MTFR1: variants seen among roughly 807,000 people sequenced by gnomAD.
The protein encoded by MTFR1 is mitochondrial fission regulator 1.
In MTFR1, 28 loss-of-function variants were observed where a neutral mutation model predicts 38.8. The observed-to-expected ratio is 0.72, with a 90% CI of 0.53 to 0.99. The LOEUF is 0.99. MTFR1 is among the 50% of genes least tolerant of loss of function. The pLI is 0.00. For missense variants in MTFR1, 358 were observed against 395.5 expected, an observed-to-expected ratio of 0.91 and a Z score of 0.81; for synonymous variants, 145 against 137.0, an observed-to-expected ratio of 1.06 and a Z score of -0.41.
At chr8:65,648,170 C>A (rs1441863011) in intron 1 of MTFR1, among the ~76,000 whole-genome samples, 2 of 152,144 alleles carry the variant, frequency 1.3e-5, no homozygotes, top group African/African-American at 4.8e-5. Flanking sequence ...GCGCCCGCCA[C>A]TAAGCCCGGC....
At chr8:65,724,798 T>A (rs1212418831) in intron 3 of MTFR1, 2 of 1,608,694 alleles carry the variant, frequency 1.2e-6, no homozygotes, top group South Asian at 2.2e-5. Flanking sequence ...AATGTCTGTG[T>A]CTGGTGTCTT....
intron 3 of MTFR1, among the ~76,000 whole-genome samples, chr8:65,726,335 T>G (rs934633236): frequency 1.3e-5 from 2 of 152,104 alleles, no homozygotes; most frequent in African/African-American, 4.8e-5. Flanking sequence ...CATTTATTTT[T>G]TTTTCCTAAA....
chr8:65,724,188 T>G (rs565360429), intron 3 of MTFR1: 1 of 982,620 alleles, frequency 1.0e-6, no homozygotes, highest in South Asian at 1.3e-5. Context: ...ATTGAGTTAT[T>G]TTATTCTTAC....
intron 3 of MTFR1, among the ~76,000 whole-genome samples, chr8:65,751,663 TGTATTTTTA>T (rs796309089): frequency 2.0e-5 from 3 of 152,312 alleles, no homozygotes; most frequent in African/African-American, 7.2e-5. Flanking sequence ...CAGCTAATTT[TGTATTTTTA>T]GTAGAGACGG....
chr8:65,705,387 C>A (rs960197528), intron 5 of MTFR1, among the ~76,000 whole-genome samples: 8 of 152,144 alleles, frequency 5.3e-5, no homozygotes, highest in African/African-American at 1.9e-4. Context: ...CCAACAACAA[C>A]CAGGTCAGGT....
intron 1 of MTFR1, among the ~76,000 whole-genome samples, chr8:65,654,638 C>T (rs865900183): frequency 8.5e-5 from 13 of 152,212 alleles, no homozygotes; most frequent in African/African-American, 2.6e-4. Flanking sequence ...AGTACAGTGG[C>T]GCACTGATAG....
intron 3 of MTFR1, among the ~76,000 whole-genome samples, chr8:65,760,819 G>A (rs1808451359): frequency 6.6e-6 from 1 of 152,140 alleles, no homozygotes; most frequent in Non-Finnish European, 1.5e-5. Flanking sequence ...GTTACACCCA[G>A]GTGTTCTGTC....
chr8:65,726,935 C>G, intron 3 of MTFR1: 6 of 1,607,720 alleles, frequency 3.7e-6, no homozygotes, highest in Non-Finnish European at 5.1e-6. Context: ...CACTGCAGAT[C>G]TCCAGTGGTG....
intron 1 of MTFR1, among the ~76,000 whole-genome samples, chr8:65,664,030 G>A (rs1465663618): frequency 6.6e-6 from 1 of 151,776 alleles, no homozygotes; most frequent in Non-Finnish European, 1.5e-5. Flanking sequence ...TGGCCAGGCT[G>A]GTCTCGAACT....
chr8:65,775,883 C>A (rs1454010228), downstream of MTFR1, among the ~76,000 whole-genome samples: 1 of 152,216 alleles, frequency 6.6e-6, no homozygotes, highest in Non-Finnish European at 1.5e-5. Context: ...CCTGCCTCGG[C>A]TTTCCAAAGT....
chr8:65,649,918 C>T (rs1219812717), intron 1 of MTFR1, among the ~76,000 whole-genome samples: 1 of 151,898 alleles, frequency 6.6e-6, no homozygotes, highest in Non-Finnish European at 1.5e-5. Flanking sequence ...GGCTCACTGC[C>T]ACCTCTGCCT....
chr8:65,685,583 G>A (rs1180228406), intron 3 of MTFR1, among the ~76,000 whole-genome samples: 1 of 152,170 alleles, frequency 6.6e-6, no homozygotes, highest in East Asian at 1.9e-4. Context: ...CACACATGGT[G>A]ATTAAATCTG....
At chr8:65,686,210 A>AGAC (rs1206852714) in intron 3 of MTFR1, among the ~76,000 whole-genome samples, 1 of 152,192 alleles carries the variant, frequency 6.6e-6, no homozygotes, top group African/African-American at 2.4e-5. Flanking sequence ...ATTTTTAGCT[A>AGAC]TAATTTTATA....
chr8:65,688,937 G>A (rs1805187931), intron 3 of MTFR1, among the ~76,000 whole-genome samples: 1 of 151,878 alleles, frequency 6.6e-6, no homozygotes, highest in African/African-American at 2.4e-5. Context: ...TTGAGGTCAG[G>A]AGTTCAAGAC....
chr8:65,741,912 T>C (rs535036099), intron 3 of MTFR1, among the ~76,000 whole-genome samples: 2 of 152,326 alleles, frequency 1.3e-5, no homozygotes, highest in South Asian at 2.1e-4. Context: ...TCAGGCAAAG[T>C]GCAGTGAAGA....
At chr8:65,747,718 A>G (rs762031840) in intron 3 of MTFR1, 1 of 1,611,960 alleles carries the variant, frequency 6.2e-7, no homozygotes, top group Admixed American at 1.7e-5. Context: ...TACCACGAAA[A>G]AAGCGTGAAG....
chr8:65,669,838 G>T (rs1313785696), intron 1 of MTFR1, 35 bp from the exon 2 acceptor site: 3 of 839,872 alleles, frequency 3.6e-6, no homozygotes, highest in African/African-American at 1.8e-5. Flanking sequence ...AAATAATAAT[G>T]ATTTCATTTT....
downstream of MTFR1, among the ~76,000 whole-genome samples, chr8:65,772,352 G>A (rs1809125020): frequency 6.6e-6 from 1 of 152,124 alleles, no homozygotes; most frequent in African/African-American, 2.4e-5. Context: ...TCTATACAAG[G>A]TAGAGGGCAC....
chr8:65,676,159 A>G (rs1183505453), intron 2 of MTFR1, among the ~76,000 whole-genome samples: 2 of 152,148 alleles, frequency 1.3e-5, no homozygotes, highest in African/African-American at 4.8e-5. Context: ...CCTTCCCAAC[A>G]CACACTTTTA....
Sources: gnomAD v4.1 joint callset for allele counts (sites outside exome capture counted in the v4.1 genomes callset) on GRCh38, gnomAD v4.1.1 for gene constraint, MANE v1.5 for transcripts, NCBI Gene and HGNC (gene_info 2026-07-23, HGNC 2026-07-21) for gene names.